The following SELENOI variants were observed in gnomAD, a reference collection of about 807,000 sequenced individuals.
SELENOI encodes selenoprotein I.
Under a neutral mutation model 50.7 loss-of-function variants are expected in SELENOI, and 24 were observed. The ratio of observed to expected loss-of-function variants is 0.47; its 90% CI spans 0.34 to 0.67. The LOEUF (loss-of-function observed/expected upper bound fraction) is 0.67. SELENOI is among the 30% of genes least tolerant of loss of function. SELENOI has a pLI of 0.01. For synonymous variants in SELENOI, 155 were observed against 170.2 expected (o/e 0.91, Z 0.70); for missense variants, 352 against 461.4 (o/e 0.76, Z 2.17).
At chr2:26,376,143 G>A (rs895863165) in intron 6 of SELENOI, among the ~76,000 whole-genome samples, 1 of 151,446 alleles carries the variant, frequency 6.6e-6, no homozygotes, top group African/African-American at 2.4e-5. Context: ...CCCATTTGGT[G>A]AACCTTGGTA....
Position 26,389,119 on chromosome 2 carries a change from C to T in SELENOI, c.*16C>T. On this transcript the variant is annotated 3_prime_UTR_variant, in exon 10 of 10. Transcript: ENST00000260585. ...TGGCCTGTAATAATCTTTCTTTGGG[C>T]ACAAAGAAGTACTGTAAATAAATGC... The T allele has an allele frequency of 6.6e-7, 1 of 1,515,312 alleles. No individual in the cohort carries two copies. Among genetic ancestry groups the T allele is most frequent in the Non-Finnish European group, 9.0e-7 (1 of 1,111,172 alleles). The allele number at this position is 1,515,312 out of a possible 1,614,324, so 93.9% of individuals were successfully genotyped here.
chr2:26,381,056 C>T (rs948323073), intron 6 of SELENOI, among the ~76,000 whole-genome samples: 8 of 149,402 alleles, frequency 5.4e-5, no homozygotes, highest in African/African-American at 2.0e-4. Context: ...TATTGTTTCT[C>T]TTTTTAACTT....
chr2:26,348,996 CTT>C (rs869073468), intron 1 of SELENOI, among the ~76,000 whole-genome samples: 21 of 57,692 alleles, frequency 3.6e-4, no homozygotes, highest in African/African-American at 8.7e-4. Context: ...TTTGGACAGG[CTT>C]TTTTTTTTTT....
rs549409141 is a variant in SELENOI, at chr2:26,383,525, C to T, written c.731+178C>T. ...GGGTGTCGATGGTGGCTAATGTAGT[C>T]ATTTCAAACACAGCACAAAACTACT... On this transcript the variant is annotated intron_variant, in intron 7 of 9. Coordinates refer to ENST00000260585, the MANE Select transcript of SELENOI (RefSeq NM_033505.4). Among the ~76,000 whole-genome samples the T allele has an allele frequency of 2.0e-5, 3 of 152,212 alleles. No homozygotes were observed. The East Asian group carries it at 5.8e-4, about 29-fold the overall frequency.
rs149168427 is a variant in SELENOI at position 26,363,304 on chromosome 2, G to A, written c.58-998G>A. ...TTCATTTTACAGGTGAAGAAACTAA[G>A]GCAGAGAGATTAAGTAACTTGCCCA... On this transcript the variant is annotated intron_variant, in intron 1 of 9. Transcript: ENST00000260585. 2.0e-3 allele frequency among the ~76,000 whole-genome samples: 310 copies of A among 152,268 alleles called. 4 individuals are homozygous for A. The Middle Eastern group carries it at 0.034, about 17-fold the overall frequency.
rs1451308648 is a variant in SELENOI at position 26,354,671 on chromosome 2, G to GCA, written c.57+8382_57+8383insCA. ...CTTCCAAAGTGCTGGGATTACAGAT[G>GCA]TGAGCCACCGCGCCTGGCGGTACTG... On this transcript the variant is annotated intron_variant, in intron 1 of 9. Coordinates refer to ENST00000260585, the MANE Select transcript of SELENOI (RefSeq NM_033505.4). Among the ~76,000 whole-genome samples, 247 of 152,172 alleles carry GCA rather than the reference G, an allele frequency of 1.6e-3. 2 individuals are homozygous for GCA. Among genetic ancestry groups the GCA allele is most frequent in the Admixed American group, 2.5e-3 (38 of 15,296 alleles).
At chr2:26,367,382 A>C (rs1677308868) in intron 4 of SELENOI, among the ~76,000 whole-genome samples, 162 bp downstream of exon 4, 1 of 152,230 alleles carries the variant, frequency 6.6e-6, no homozygotes, top group Admixed American at 6.5e-5. Flanking sequence ...CTTTACAAAA[A>C]ATTTTGTCAT....
intron 1 of SELENOI, among the ~76,000 whole-genome samples, chr2:26,351,944 C>A (rs1676967229): frequency 1.3e-5 from 2 of 152,134 alleles, no homozygotes; most frequent in Admixed American, 6.5e-5. Flanking sequence ...TAGTTTGAGA[C>A]CAGCTGGGAC....
intron 1 of SELENOI, among the ~76,000 whole-genome samples, chr2:26,363,338 C>T (rs1342976434): frequency 6.6e-6 from 1 of 152,166 alleles, no homozygotes; most frequent in Non-Finnish European, 1.5e-5. Context: ...CAAGGTCTCA[C>T]AGGTAGTAAG....
intron 4 of SELENOI, among the ~76,000 whole-genome samples, chr2:26,373,097 C>T (rs1341804047): frequency 6.6e-6 from 1 of 152,162 alleles, no homozygotes; most frequent in African/African-American, 2.4e-5. Flanking sequence ...CTATGTTGCC[C>T]AGGCTGGTCT....
Position 26,389,072 on chromosome 2 carries a change from T to C in SELENOI, c.1163T>C (p.Leu388Pro). Residue 388 changes from leucine (L) to proline (P), a missense_variant, in exon 10 of 10, where the codon CTA becomes CCA. By Grantham distance (98) the Leu-to-Pro change is moderately conservative. Transcript: ENST00000260585. Reference sequence around the variant, plus strand: ...TTGAGGAAACCAAACTCAGATTGACTAGGAATGGAAGAAAAGAATATTGGC... The same window carrying C: ...TTGAGGAAACCAAACTCAGATTGACCAGGAATGGAAGAAAAGAATATTGGC... ...FSLRKPNSDU[L>P]GMEEKNIGL The C allele has an allele frequency of 6.3e-7, 1 of 1,584,756 alleles. No individual in the cohort carries two copies. The highest frequency in any genetic ancestry group is 1.2e-5 in the South Asian group (1 of 86,642).
intron 3 of SELENOI, among the ~76,000 whole-genome samples, chr2:26,366,278 T>G (rs780980604): frequency 1.9e-4 from 29 of 152,308 alleles, no homozygotes; most frequent in Non-Finnish European, 2.8e-4. Context: ...AGATTAAATT[T>G]TGTTAAGCAT....
At chr2:26,382,606 A>G (rs143359103) in intron 6 of SELENOI, among the ~76,000 whole-genome samples, 1 of 152,330 alleles carries the variant, frequency 6.6e-6, no homozygotes, top group Non-Finnish European at 1.5e-5. Flanking sequence ...AGCAGAATCA[A>G]TAGGAGGGTT....
intron 2 of SELENOI, 130 bp from the exon 3 acceptor site, chr2:26,364,702 A>G: frequency 1.6e-6 from 1 of 632,672 alleles, no homozygotes; most frequent in Admixed American, 3.4e-5. Flanking sequence ...TTACGTGTTA[A>G]TGTCTATAAC....
At chr2:26,352,611 C>T (rs191987439) in intron 1 of SELENOI, among the ~76,000 whole-genome samples, 1 of 152,108 alleles carries the variant, frequency 6.6e-6, no homozygotes, top group Admixed American at 6.5e-5. Context: ...TGGTGAAACC[C>T]TGTCTCTACT....
chr2:26,358,394 GACAAAA>G (rs1462834691), intron 1 of SELENOI, among the ~76,000 whole-genome samples: 2 of 151,994 alleles, frequency 1.3e-5, no homozygotes, highest in African/African-American at 4.8e-5. Flanking sequence ...CTCAAAAGAA[GACAAAA>G]ACAAAACAAA....
At chr2:26,387,819 A>G (rs922978338) in intron 9 of SELENOI, among the ~76,000 whole-genome samples, 13 of 152,134 alleles carry the variant, frequency 8.5e-5, no homozygotes, top group Admixed American at 6.5e-4. Flanking sequence ...GTGACAGGGT[A>G]TTCACATTTT....
chr2:26,370,004 G>T (rs1677375152), intron 4 of SELENOI, among the ~76,000 whole-genome samples: 1 of 149,646 alleles, frequency 6.7e-6, no homozygotes, highest in African/African-American at 2.5e-5. Flanking sequence ...AGGACCCTGT[G>T]GCCTTCCGCA....
intron 4 of SELENOI, among the ~76,000 whole-genome samples, chr2:26,370,163 A>G (rs1328128428): frequency 6.6e-6 from 1 of 151,616 alleles, no homozygotes; most frequent in Non-Finnish European, 1.5e-5. Flanking sequence ...TTCAGAGAGC[A>G]CAGGGTTGGG....
Sources: gnomAD v4.1 joint callset for allele counts (sites outside exome capture counted in the v4.1 genomes callset) on GRCh38, gnomAD v4.1.1 for gene constraint, MANE v1.5 for transcripts, NCBI Gene and HGNC (gene_info 2026-07-23, HGNC 2026-07-21) for gene names.